GALNT7: variants seen among roughly 807,000 people sequenced by gnomAD.
GALNT7 encodes the protein polypeptide N-acetylgalactosaminyltransferase 7.
GALNT7 carries 60 observed loss-of-function variants against 82.1 expected under a neutral mutation model. The observed-to-expected ratio is 0.73, with a 90% CI of 0.59 to 0.91. The LOEUF (loss-of-function observed/expected upper bound fraction) is 0.91, where lower values mean the gene tolerates loss of function less well. GALNT7 is among the 40% of genes least tolerant of loss of function. The pLI, the probability that GALNT7 is intolerant of heterozygous loss-of-function variation, is 0.00. For synonymous variants in GALNT7, 243 were observed against 275.1 expected (o/e 0.88, Z 1.15); for missense variants, 660 against 804.2 (o/e 0.82, Z 2.17).
intron 1 of GALNT7, among the ~76,000 whole-genome samples, chr4:173,203,650 A>G (rs1349657768): frequency 6.6e-6 from 1 of 152,122 alleles, no homozygotes; most frequent in Non-Finnish European, 1.5e-5. Context: ...CTTTGTGGTT[A>G]CCGTTAGGTT....
In GALNT7 at chr4:173,246,861, T is replaced by C. The variant is rs146244303; in HGVS notation, c.127-1119T>C. Among the ~76,000 whole-genome samples the C allele has an allele frequency of 2.7e-3, 411 of 152,270 alleles. 1 individual carries two copies. The highest frequency in any genetic ancestry group is 9.3e-3 in the African/African-American group (388 of 41,576). On this transcript the variant is annotated intron_variant, in intron 1 of 11. Transcript: ENST00000265000. ...ACTCTGTTGGGGAATCACACAGTTT[T>C]AGTGTAGAGGGAAGTGGCAGACCCA...
intron 3 of GALNT7, among the ~76,000 whole-genome samples, chr4:173,293,282 CT>C (rs141254824): frequency 2.4e-4 from 35 of 148,644 alleles, no homozygotes; most frequent in South Asian, 4.3e-4. Flanking sequence ...TTACTGTTGT[CT>C]TTTTTTTTTA....
intron 1 of GALNT7, among the ~76,000 whole-genome samples, chr4:173,201,819 C>T (rs891899748): frequency 4.6e-5 from 7 of 152,190 alleles, no homozygotes; most frequent in Admixed American, 1.3e-4. Context: ...TTCATCATCC[C>T]TCATGTTGTG....
At chr4:173,248,560 AG>A in intron 2 of GALNT7, 120 bp downstream of exon 2, 2 of 674,188 alleles carry the variant, frequency 3.0e-6, no homozygotes, top group Non-Finnish European at 5.0e-6. Flanking sequence ...CAAGGAAATA[AG>A]AGGATCTTTG....
chr4:173,195,292 C>T (rs1011368124), intron 1 of GALNT7, among the ~76,000 whole-genome samples: 3 of 152,088 alleles, frequency 2.0e-5, no homozygotes, highest in Non-Finnish European at 4.4e-5. Flanking sequence ...GACCTATAAA[C>T]GCAGGAAGAA....
intron 6 of GALNT7, among the ~76,000 whole-genome samples, chr4:173,299,862 A>G (rs1300071314): frequency 2.0e-5 from 3 of 151,870 alleles, no homozygotes; most frequent in Admixed American, 2.0e-4. Flanking sequence ...AAAAAAAAAA[A>G]GACACAGCTA....
At chr4:173,235,073 C>A (rs1211046862) in intron 1 of GALNT7, among the ~76,000 whole-genome samples, 3 of 152,178 alleles carry the variant, frequency 2.0e-5, no homozygotes, top group Admixed American at 1.3e-4. Flanking sequence ...CTAATTAACC[C>A]TTGAATCTGT....
intron 2 of GALNT7, among the ~76,000 whole-genome samples, chr4:173,276,618 A>G (rs1285555412): frequency 6.6e-6 from 1 of 152,218 alleles, no homozygotes; most frequent in East Asian, 1.9e-4. Flanking sequence ...ACCACTAGCT[A>G]TCCATCAGAG....
chr4:173,249,937 T>A (rs1050673813), intron 2 of GALNT7, among the ~76,000 whole-genome samples: 7 of 152,180 alleles, frequency 4.6e-5, no homozygotes, highest in African/African-American at 1.7e-4. Context: ...TCATCTCTGT[T>A]ACAGAGGTGC....
intron 1 of GALNT7, among the ~76,000 whole-genome samples, chr4:173,177,002 A>G (rs1732067943): frequency 6.6e-6 from 1 of 152,220 alleles, no homozygotes; most frequent in Admixed American, 6.5e-5. Context: ...GAAGTATAAT[A>G]GAATTGCCCA....
intron 1 of GALNT7, among the ~76,000 whole-genome samples, chr4:173,172,964 A>C (rs183877192): frequency 6.6e-6 from 1 of 152,144 alleles, no homozygotes; most frequent in Non-Finnish European, 1.5e-5. Flanking sequence ...TACAGAAAGT[A>C]TGTATTTGTC....
chr4:173,266,939 T>C (rs73001510), intron 2 of GALNT7, among the ~76,000 whole-genome samples: 22,514 of 133,556 alleles, frequency 0.17, 3,618 homozygotes, highest in African/African-American at 0.43. Flanking sequence ...AGGGCTGGGA[T>C]GTGGGATAAA....
Position 173,260,941 on chromosome 4 carries a change from C to T in GALNT7, c.587+12501C>T, listed in dbSNP as rs761729534. Among the ~76,000 whole-genome samples, 43 of 152,076 alleles carry T rather than the reference C, an allele frequency of 2.8e-4. 1 individual carries two copies. Among genetic ancestry groups the T allele is most frequent in the Admixed American group, 2.1e-3 (32 of 15,272 alleles). On this transcript the variant is annotated intron_variant, in intron 2 of 11. Transcript: ENST00000265000. ...GTGGTGAATTTAATCAACGAGTAAA[C>T]GTTTACGAAGCGAAAATTGTCAGGA... is the stretch of plus-strand genomic sequence containing the variant.
intron 1 of GALNT7, among the ~76,000 whole-genome samples, chr4:173,203,975 T>G (rs1733018369): frequency 6.6e-6 from 1 of 152,234 alleles, no homozygotes; most frequent in African/African-American, 2.4e-5. Context: ...TCCTTTTCTT[T>G]CAGCTTGAAG....
chr4:173,195,853 A>G (rs774848744), intron 1 of GALNT7, among the ~76,000 whole-genome samples: 12 of 152,366 alleles, frequency 7.9e-5, no homozygotes, highest in African/African-American at 2.4e-4. Context: ...GTGCACACAC[A>G]TATCACTATG....
chr4:173,207,937 A>AT, intron 1 of GALNT7, among the ~76,000 whole-genome samples: 1 of 152,292 alleles, frequency 6.6e-6, no homozygotes, highest in Middle Eastern at 3.4e-3. Flanking sequence ...ATATTTTTAA[A>AT]TTGCTAGTGA....
At chr4:173,249,365 C>T (rs1027773184) in intron 2 of GALNT7, among the ~76,000 whole-genome samples, 3 of 152,126 alleles carry the variant, frequency 2.0e-5, no homozygotes, top group African/African-American at 7.2e-5. Context: ...TCTTTATGAC[C>T]GCTAAGTAAA....
At chr4:173,189,277 C>T (rs1363909795) in intron 1 of GALNT7, among the ~76,000 whole-genome samples, 1 of 152,228 alleles carries the variant, frequency 6.6e-6, no homozygotes, top group African/African-American at 2.4e-5. Flanking sequence ...CAGTCACCTC[C>T]ATCTTGCTAC....
chr4:173,275,033 C>G (rs1344384183), intron 2 of GALNT7, among the ~76,000 whole-genome samples: 2 of 152,220 alleles, frequency 1.3e-5, no homozygotes, highest in Admixed American at 1.3e-4. Flanking sequence ...CATGCAGCCA[C>G]TCTTAACAAC....
Sources: gnomAD v4.1 joint callset for allele counts (sites outside exome capture counted in the v4.1 genomes callset) on GRCh38, gnomAD v4.1.1 for gene constraint, MANE v1.5 for transcripts, NCBI Gene and HGNC (gene_info 2026-07-23, HGNC 2026-07-21) for gene names.